Variants in MAST4 observed in about 807,000 individuals in gnomAD.
MAST4 encodes microtubule-associated serine/threonine-protein kinase 4.
In MAST4, 89 loss-of-function variants were observed where a neutral mutation model predicts 162.7. The ratio of observed to expected loss-of-function variants is 0.55; its 90% CI spans 0.46 to 0.65. MAST4 has a LOEUF of 0.65. MAST4 is among the 30% of genes least tolerant of loss of function. The probability of loss-of-function intolerance (pLI) is 0.00; values close to 1 mark genes in which losing one functional copy is unlikely to be tolerated. For missense variants in MAST4, 3,153 were observed against 3,374.0 expected (o/e 0.93, Z 1.62); for synonymous variants, 1,479 against 1,361.1 (o/e 1.09, Z -1.91).
At chr5:66,718,719 C>T (rs1430858408) in intron 1 of MAST4, among the ~76,000 whole-genome samples, 1 of 152,170 alleles carries the variant, frequency 6.6e-6, no homozygotes, top group African/African-American at 2.4e-5. Context: ...CCGGTAAAGC[C>T]AAGTTCCTGT....
chr5:66,873,445 A>G (rs1486759599), intron 3 of MAST4, among the ~76,000 whole-genome samples: 1 of 152,222 alleles, frequency 6.6e-6, no homozygotes, highest in African/African-American at 2.4e-5. Context: ...AGGTTCCTAT[A>G]TTCTGGGGGT....
intron 5 of MAST4, among the ~76,000 whole-genome samples, chr5:67,067,098 G>T (rs529707716): frequency 6.6e-6 from 1 of 152,326 alleles, no homozygotes; most frequent in East Asian, 1.9e-4. Flanking sequence ...TCACACTTTT[G>T]TTCCTGCCAG....
chr5:67,147,145 T>C (rs748170849), intron 23 of MAST4, among the ~76,000 whole-genome samples: 2 of 152,040 alleles, frequency 1.3e-5, no homozygotes, highest in Non-Finnish European at 2.9e-5. Flanking sequence ...TTTTGATTAA[T>C]AGATTCACAC....
intron 5 of MAST4, among the ~76,000 whole-genome samples, chr5:67,057,792 C>G (rs1759038231): frequency 6.6e-6 from 1 of 151,938 alleles, no homozygotes; most frequent in African/African-American, 2.4e-5. Flanking sequence ...TGTTTGTGCC[C>G]ATGACTGATT....
chr5:66,701,057 T>C (rs903311784), intron 1 of MAST4, among the ~76,000 whole-genome samples: 11 of 151,990 alleles, frequency 7.2e-5, no homozygotes, highest in Non-Finnish European at 1.0e-4. Flanking sequence ...ATGAATATAA[T>C]CATTAATGTA....
chr5:67,021,025 C>A (rs1753906877), intron 4 of MAST4, among the ~76,000 whole-genome samples: 1 of 152,216 alleles, frequency 6.6e-6, no homozygotes, highest in Non-Finnish European at 1.5e-5. Flanking sequence ...TTACCTAGGA[C>A]AATCCCTAGC....
At chr5:66,800,442 A>G (rs951632705) in intron 3 of MAST4, among the ~76,000 whole-genome samples, 3 of 152,192 alleles carry the variant, frequency 2.0e-5, no homozygotes, top group African/African-American at 7.2e-5. Context: ...TATCACAGGA[A>G]CAGAAAACCA....
chr5:66,903,935 G>T (rs1414685302), intron 4 of MAST4, among the ~76,000 whole-genome samples: 1 of 152,204 alleles, frequency 6.6e-6, no homozygotes, highest in East Asian at 1.9e-4. Context: ...AGCACAAGTG[G>T]TGATGCCATG....
At chr5:66,721,128 C>T (rs949815492) in intron 1 of MAST4, among the ~76,000 whole-genome samples, 2 of 152,202 alleles carry the variant, frequency 1.3e-5, no homozygotes, top group Admixed American at 6.5e-5. Flanking sequence ...CTGCATTGTG[C>T]GTGTCCACAC....
intron 1 of MAST4, among the ~76,000 whole-genome samples, chr5:66,702,300 T>C (rs1240633747): frequency 6.6e-6 from 1 of 152,190 alleles, no homozygotes; most frequent in Non-Finnish European, 1.5e-5. Context: ...AGTATTTATT[T>C]AGAACTTTCT....
chr5:66,697,861 C>G (rs1749503617), intron 1 of MAST4, among the ~76,000 whole-genome samples: 1 of 152,028 alleles, frequency 6.6e-6, no homozygotes, highest in Non-Finnish European at 1.5e-5. Flanking sequence ...GATATGACAC[C>G]TAATAACATT....
At chr5:66,846,404 T>A (rs1307600333) in intron 3 of MAST4, among the ~76,000 whole-genome samples, 1 of 152,174 alleles carries the variant, frequency 6.6e-6, no homozygotes, top group Non-Finnish European at 1.5e-5. Flanking sequence ...AAAGCTATGA[T>A]GTATTTTTTT....
intron 4 of MAST4, among the ~76,000 whole-genome samples, chr5:66,997,489 T>C (rs1346447887): frequency 6.6e-6 from 1 of 151,200 alleles, no homozygotes; most frequent in African/African-American, 2.4e-5. Context: ...TGGAGTGCAG[T>C]GGCATGATCT....
chr5:66,685,322 C>A (rs1261531783), intron 1 of MAST4, among the ~76,000 whole-genome samples: 1 of 144,888 alleles, frequency 6.9e-6, no homozygotes, highest in Non-Finnish European at 1.5e-5. Context: ...ACCCCAAAAA[C>A]CCCCAAAAAC....
intron 4 of MAST4, among the ~76,000 whole-genome samples, chr5:66,998,484 A>G (rs888641184): frequency 1.3e-5 from 2 of 152,252 alleles, no homozygotes; most frequent in African/African-American, 4.8e-5. Flanking sequence ...GGTACAGCTT[A>G]TATAGATAAT....
chr5:66,730,751 C>CTGTGTGTG lies in MAST4; in HGVS notation c.364-28938_364-28931dup, dbSNP rs70987138. Among the ~76,000 whole-genome samples, 83 of 149,250 alleles carry CTGTGTGTG rather than the reference C, an allele frequency of 5.6e-4. 2 individuals are homozygous for CTGTGTGTG. The highest frequency in any genetic ancestry group is 1.9e-3 in the Admixed American group (28 of 15,020). On this transcript the variant is annotated intron_variant, in intron 1 of 28. Coordinates refer to ENST00000403625, the MANE Select transcript of MAST4 (RefSeq NM_001164664.2). ...TACATACCCCTTATGCCTACCTACTCTGTGTGTGTGTGTGTGTGTGTGTGT... is the reference window on the plus strand; with the variant it reads ...TACATACCCCTTATGCCTACCTACTCTGTGTGTGTGTGTGTGTGTGTGTGTGTGTGTGT...
chr5:66,637,670 C>T (rs1745211840), intron 1 of MAST4, among the ~76,000 whole-genome samples: 1 of 151,962 alleles, frequency 6.6e-6, no homozygotes, highest in Non-Finnish European at 1.5e-5. Flanking sequence ...AAACTTTCTT[C>T]TGTTACAGAT....
chr5:66,878,847 T>C (rs1246209284), intron 3 of MAST4, among the ~76,000 whole-genome samples: 1 of 152,212 alleles, frequency 6.6e-6, no homozygotes, highest in African/African-American at 2.4e-5. Context: ...TTTGTCTCCG[T>C]TGGCTTTAAG....
At chr5:66,925,148 C>G (rs1417826942) in intron 4 of MAST4, among the ~76,000 whole-genome samples, 2 of 152,012 alleles carry the variant, frequency 1.3e-5, no homozygotes, top group Non-Finnish European at 2.9e-5. Context: ...TGTTTTCTTT[C>G]CAGCTGGGAA....
Sources: gnomAD v4.1 joint callset for allele counts (sites outside exome capture counted in the v4.1 genomes callset) on GRCh38, gnomAD v4.1.1 for gene constraint, MANE v1.5 for transcripts, NCBI Gene and HGNC (gene_info 2026-07-23, HGNC 2026-07-21) for gene names.